Variants in POLK observed in about 807,000 individuals in gnomAD.
The protein encoded by POLK is polymerase (DNA directed) kappa.
Under a neutral mutation model 94.0 loss-of-function variants are expected in POLK, and 76 were observed. That is an observed-to-expected ratio of 0.81 (90% CI 0.67 to 0.98). The LOEUF is 0.98. POLK is among the 50% of genes least tolerant of loss of function. The probability of loss-of-function intolerance (pLI) is 0.00; values close to 1 mark genes in which losing one functional copy is unlikely to be tolerated. For missense variants in POLK, 954 were observed against 1,010.1 expected (o/e 0.94, Z 0.75); for synonymous variants, 349 against 325.4 (o/e 1.07, Z -0.78).
chr5:75,590,441 G>T lies in POLK; in HGVS notation c.1356+1G>T. The T allele has an allele frequency of 6.3e-7, 1 of 1,582,038 alleles. No individual in the cohort carries two copies. The highest frequency in any genetic ancestry group is 8.7e-7 in the Non-Finnish European group (1 of 1,151,424). ...GGATCTACAGAAAGAAAGACTTAAG[G>T]TGCTTTATTTTGATATGGTGTCCTT... On this transcript the variant is annotated splice_donor_variant, in intron 11 of 14. Transcript: ENST00000241436. LOFTEE classifies it high-confidence loss of function.
intron 11 of POLK, 35 bp from the exon 12 acceptor site, chr5:75,593,843 A>G: frequency 3.1e-6 from 4 of 1,273,430 alleles, no homozygotes; most frequent in Non-Finnish European, 4.4e-6. Context: ...ACCCTGTCTC[A>G]TAAATAAATA....
chr5:75,590,467 A>T (rs1180801478), intron 11 of POLK, 27 bp downstream of exon 11: 1 of 1,318,996 alleles, frequency 7.6e-7, no homozygotes, highest in Non-Finnish European at 1.1e-6. Flanking sequence ...TGGTGTCCTT[A>T]GTTTTTAAGT....
At chr5:75,542,737 G>T (rs111883231) in intron 1 of POLK, among the ~76,000 whole-genome samples, 8,243 of 146,490 alleles carry the variant, frequency 0.056, 476 homozygotes, top group African/African-American at 0.14. Flanking sequence ...TTACTCTGTC[G>T]CCCAGGCTGC....
chr5:75,537,363 TCTCA>T (rs1769493363), intron 1 of POLK, among the ~76,000 whole-genome samples: 2 of 152,212 alleles, frequency 1.3e-5, no homozygotes, highest in South Asian at 2.1e-4. Flanking sequence ...CCCTGGGGGC[TCTCA>T]CTCACCGTTT....
intron 3 of POLK, among the ~76,000 whole-genome samples, chr5:75,567,037 G>C (rs1771313206): frequency 6.6e-6 from 1 of 152,192 alleles, no homozygotes; most frequent in Non-Finnish European, 1.5e-5. Context: ...TGACTAATGA[G>C]AGATAGTAAA....
At chr5:75,554,413 A>G (rs1024512828) in intron 3 of POLK, among the ~76,000 whole-genome samples, 4 of 151,958 alleles carry the variant, frequency 2.6e-5, no homozygotes, top group Non-Finnish European at 5.9e-5. Context: ...AGTTTTTCCC[A>G]TATAATTTTT....
At chr5:75,519,056 C>A (rs1580904801) in intron 1 of POLK, among the ~76,000 whole-genome samples, 1 of 152,318 alleles carries the variant, frequency 6.6e-6, no homozygotes, top group East Asian at 1.9e-4. Flanking sequence ...AAACTCTTGG[C>A]TTCAAACAGT....
chr5:75,597,902 G>C (rs774511619), intron 14 of POLK, 32 bp from the exon 15 acceptor site: 1 of 1,227,504 alleles, frequency 8.1e-7, no homozygotes, highest in South Asian at 1.6e-5. Context: ...ATCTCTTCCT[G>C]CATTTTAATT....
intron 5 of POLK, 75 bp from the exon 6 acceptor site, chr5:75,576,705 T>G: frequency 1.5e-6 from 1 of 662,116 alleles, no homozygotes. Flanking sequence ...ATATTAACAT[T>G]TCTTATCAGC....
chr5:75,595,269 A>AAAAAAAAAAAAC (rs1773014643), intron 12 of POLK, among the ~76,000 whole-genome samples: 1 of 149,658 alleles, frequency 6.7e-6, no homozygotes, highest in Non-Finnish European at 1.5e-5. Context: ...AAAAAAAAAA[A>AAAAAAAAAAAAC]AAAAGCCCAA....
At chr5:75,556,571 C>G (rs764539248) in intron 3 of POLK, among the ~76,000 whole-genome samples, 4 of 152,048 alleles carry the variant, frequency 2.6e-5, no homozygotes, top group Non-Finnish European at 5.9e-5. Context: ...GGTATTGTAT[C>G]TAAATAGTCA....
At chr5:75,521,748 G>A (rs1054969528) in intron 1 of POLK, among the ~76,000 whole-genome samples, 8 of 148,436 alleles carry the variant, frequency 5.4e-5, no homozygotes, top group Admixed American at 1.3e-4. Context: ...GAGATTCTTT[G>A]TAACTTACCT....
intron 6 of POLK, chr5:75,580,438 AAAATAT>A (rs5744666): frequency 0.082 from 12,837 of 156,388 alleles, 597 homozygotes; most frequent in South Asian, 0.12. Flanking sequence ...CCATTTATGA[AAAATAT>A]AAATATAAAG....
intron 1 of POLK, among the ~76,000 whole-genome samples, chr5:75,544,847 A>G (rs1580980338): frequency 2.0e-5 from 3 of 152,334 alleles, no homozygotes; most frequent in South Asian, 4.1e-4. Context: ...GCGTAAGGCA[A>G]AATATAGAGT....
At chr5:75,569,313 G>A (rs779978926) in intron 3 of POLK, 27 bp from the exon 4 acceptor site, 10 of 1,536,188 alleles carry the variant, frequency 6.5e-6, no homozygotes, top group East Asian at 4.5e-5. Flanking sequence ...TTGTCTAAAA[G>A]TATGTTAACT....
intron 7 of POLK, chr5:75,582,119 A>G: frequency 1.0e-6 from 1 of 987,422 alleles, no homozygotes; most frequent in Middle Eastern, 2.8e-4. Context: ...CCAGACGGCC[A>G]CAAGGTAAGA....
At chr5:75,511,618 G>A, upstream of POLK, 3 of 1,475,260 alleles carry the variant, frequency 2.0e-6, no homozygotes, top group Non-Finnish European at 2.7e-6. Context: ...CTTCCTGCCT[G>A]GCCCACTATT....
At chr5:75,583,503 C>G in intron 8 of POLK, 86 bp downstream of exon 8, 1 of 753,980 alleles carries the variant, frequency 1.3e-6, no homozygotes, top group Non-Finnish European at 2.0e-6. Context: ...TCATTCTTTG[C>G]TTAAAAGTTT....
intron 5 of POLK, among the ~76,000 whole-genome samples, chr5:75,574,588 G>A (rs1771766315): frequency 6.6e-6 from 1 of 152,060 alleles, no homozygotes; most frequent in African/African-American, 2.4e-5. Context: ...TGCCTGAATG[G>A]AAACACTTAA....
Sources: allele counts gnomAD v4.1 joint callset (sites outside exome capture counted in the v4.1 genomes callset), GRCh38; gene constraint gnomAD v4.1.1; transcripts MANE v1.5; gene names NCBI Gene and HGNC (gene_info 2026-07-23, HGNC 2026-07-21).